The following HEATR5B variants were observed in gnomAD, a reference collection of about 807,000 sequenced individuals.
HEATR5B encodes the protein HEAT repeat-containing protein 5B.
In HEATR5B, 156 loss-of-function variants were observed where a neutral mutation model predicts 224.1. The ratio of observed to expected loss-of-function variants is 0.70; its 90% CI spans 0.61 to 0.80. The LOEUF is 0.80. Ranked by LOEUF, HEATR5B falls within the 30% of genes least tolerant of loss-of-function variation. HEATR5B has a pLI of 0.00. For synonymous variants in HEATR5B, 1,027 were observed against 893.0 expected, an observed-to-expected ratio of 1.15 and a Z score of -2.68; for missense variants, 2,323 against 2,535.5, an observed-to-expected ratio of 0.92 and a Z score of 1.80.
At chr2:37,044,739 T>A (rs1026789379) in intron 18 of HEATR5B, among the ~76,000 whole-genome samples, 25 of 152,178 alleles carry the variant, frequency 1.6e-4, no homozygotes, top group African/African-American at 6.0e-4. Context: ...TATATAAGAG[T>A]TCTTAACCTA....
intron 35 of HEATR5B, 44 bp downstream of exon 35, chr2:36,988,602 G>C (rs1423321511): frequency 2.7e-6 from 4 of 1,464,646 alleles, no homozygotes; most frequent in Middle Eastern, 2.1e-4. Flanking sequence ...ATACAATACA[G>C]ATCTTCATTC....
At chr2:37,075,688 C>A in intron 4 of HEATR5B, 54 bp from the exon 5 acceptor site, 1 of 1,443,694 alleles carries the variant, frequency 6.9e-7, no homozygotes, top group African/African-American at 1.4e-5. Flanking sequence ...CATATTTAAA[C>A]AAGAACACAC....
intron 32 of HEATR5B, 62 bp from the exon 33 acceptor site, chr2:37,000,875 C>T: frequency 1.8e-6 from 2 of 1,126,246 alleles, no homozygotes; most frequent in Non-Finnish European, 2.6e-6. Context: ...TAGTTGTTTT[C>T]ATTGCTTGTA....
rs755560212 is a variant in HEATR5B at position 37,019,816 on chromosome 2, G to A, written c.4097C>T (p.Ala1366Val). The change falls in exon 26 of 36, where the codon GCT becomes GTT. Residue 1366 changes from alanine to valine, a missense_variant. By Grantham distance (64) the Ala-to-Val change is moderately conservative. This residue lies in a region of HEATR5B where 339 missense variants were observed against 378.4 expected (regional missense o/e 0.90). Coordinates refer to ENST00000233099, the MANE Select transcript of HEATR5B (RefSeq NM_019024.3). ...QDTPSDIIAK[A>V]CQVCSTWIGS... The stretch of plus-strand genomic sequence containing the variant: ...TCCCATTTTTCTTCTTACCTGGCAA[G>A]CTTTCGCTATTATATCTGATGGTGT... The A allele has an allele frequency of 1.2e-6, 2 of 1,605,766 alleles. No homozygotes were observed. Among genetic ancestry groups the A allele is most frequent in the South Asian group, 1.1e-5 (1 of 90,896 alleles).
At chr2:37,014,064 T>A (rs1325121797) in intron 26 of HEATR5B, 44 bp from the exon 27 acceptor site, 2 of 1,163,560 alleles carry the variant, frequency 1.7e-6, no homozygotes, top group Non-Finnish European at 2.4e-6. Flanking sequence ...AAAAAATTAA[T>A]GCTGTATAAG....
At chr2:36,995,106 C>CTTTTTTTTTTT (rs1666608360) in intron 33 of HEATR5B, among the ~76,000 whole-genome samples, 2 of 53,688 alleles carry the variant, frequency 3.7e-5, no homozygotes, top group African/African-American at 4.2e-4. Context: ...TTTTTTTTTC[C>CTTTTTTTTTTT]TGAGATGGAG....
At chr2:37,004,442 C>A (rs1465402932) in intron 30 of HEATR5B, among the ~76,000 whole-genome samples, 1 of 151,214 alleles carries the variant, frequency 6.6e-6, no homozygotes, top group African/African-American at 2.4e-5. Context: ...TCACATGTCC[C>A]CCCTGCACTA....
At chr2:37,071,747 C>A (rs540388799) in intron 6 of HEATR5B, among the ~76,000 whole-genome samples, 1 of 150,694 alleles carries the variant, frequency 6.6e-6, no homozygotes, top group Non-Finnish European at 1.5e-5. Flanking sequence ...TACAGTGGTG[C>A]GATCTTGGCT....
intron 35 of HEATR5B, among the ~76,000 whole-genome samples, chr2:36,987,634 T>C (rs1666035272): frequency 6.6e-6 from 1 of 152,176 alleles, no homozygotes; most frequent in South Asian, 2.1e-4. Context: ...ATGTATGCAG[T>C]AGTTTTTCAT....
chr2:37,072,255 A>G lies in HEATR5B; in HGVS notation c.624T>C (p.Ala208=), dbSNP rs1314745665. The part of the protein sequence containing the change: ...AKCLLELQNE[A]VFMWTAELEN... ...CTAGTTCAGCAGTCCACATAAATAC[A>G]GCTTCATTCTGTAGTTCTAGTAGAC... Residue 208 remains alanine (A), a synonymous_variant, in exon 6 of 36, where the codon GCT becomes GCC. Transcript: ENST00000233099. 7 of 1,612,772 alleles carry G rather than the reference A, an allele frequency of 4.3e-6. No individual in the cohort carries two copies. The highest frequency in any genetic ancestry group is 1.3e-5 in the African/African-American group (1 of 74,874).
intron 33 of HEATR5B, among the ~76,000 whole-genome samples, chr2:36,996,414 G>T (rs1331488769): frequency 1.3e-5 from 2 of 150,262 alleles, no homozygotes; most frequent in Non-Finnish European, 3.0e-5. Context: ...ATACAGATGT[G>T]TGTTCTTTTC....
Position 37,072,254 on chromosome 2 carries a change from C to A in HEATR5B, c.625G>T (p.Val209Leu). Residue 209 changes from valine (V) to leucine (L), a missense_variant, in exon 6 of 36, where the codon GTA becomes TTA. This residue lies in a region of HEATR5B where 292 missense variants were observed against 332.6 expected (regional missense o/e 0.88). Transcript: ENST00000233099. ...TCTAGTTCAGCAGTCCACATAAATACAGCTTCATTCTGTAGTTCTAGTAGA... is the reference window on the plus strand; with the variant it reads ...TCTAGTTCAGCAGTCCACATAAATAAAGCTTCATTCTGTAGTTCTAGTAGA... ...KCLLELQNEA[V>L]FMWTAELENI... 1.2e-6 allele frequency: 2 copies of A among 1,612,978 alleles called. No homozygotes were observed. Among genetic ancestry groups the A allele is most frequent in the Non-Finnish European group, 1.7e-6 (2 of 1,179,260 alleles).
chr2:37,045,668 C>A (rs1409403691), intron 18 of HEATR5B, among the ~76,000 whole-genome samples: 1 of 152,156 alleles, frequency 6.6e-6, no homozygotes, highest in African/African-American at 2.4e-5. Flanking sequence ...GTTCATAGCT[C>A]TCTCCCTGTG....
In HEATR5B at chr2:36,988,974, A is replaced by G. The variant is rs914025396; in HGVS notation, c.5698-115T>C. 3.9e-5 allele frequency: 28 copies of G among 723,920 alleles called. No individual in the cohort carries two copies. The African/African-American group carries it at 4.6e-4, about 12-fold the overall frequency. The allele number at this position is 723,920 out of a possible 1,614,324, so 44.8% of individuals were successfully genotyped here. On this transcript the variant is annotated intron_variant, in intron 34 of 35. Transcript: ENST00000233099. ...AGTGATACTGCAGGACAAAAATGGA[A>G]ATTACATTTTCTACTTAGAGAAATG...
At chr2:37,016,441 T>G (rs574455562) in intron 26 of HEATR5B, among the ~76,000 whole-genome samples, 4 of 151,924 alleles carry the variant, frequency 2.6e-5, no homozygotes, top group African/African-American at 9.7e-5. Context: ...CTGAAATCCT[T>G]GGACCAAGAT....
At chr2:36,991,407 A>G (rs1366794123) in intron 33 of HEATR5B, among the ~76,000 whole-genome samples, 1 of 150,986 alleles carries the variant, frequency 6.6e-6, no homozygotes, top group Non-Finnish European at 1.5e-5. Flanking sequence ...AGGCAGGAGA[A>G]TCGCTTGTAC....
intron 27 of HEATR5B, among the ~76,000 whole-genome samples, chr2:37,012,828 G>A (rs1158291099): frequency 6.6e-6 from 1 of 152,188 alleles, no homozygotes; most frequent in Non-Finnish European, 1.5e-5. Flanking sequence ...ATGTTTCAAT[G>A]TAAACATCAC....
At chr2:37,049,869 A>C in intron 17 of HEATR5B, 26 bp from the exon 18 acceptor site, 2 of 1,379,656 alleles carry the variant, frequency 1.4e-6, no homozygotes, top group Non-Finnish European at 1.9e-6. Context: ...AAAAAAAAAA[A>C]AGACAGCAAT....
intron 26 of HEATR5B, among the ~76,000 whole-genome samples, chr2:37,017,554 C>T (rs1332171817): frequency 6.6e-6 from 1 of 151,472 alleles, no homozygotes; most frequent in Non-Finnish European, 1.5e-5. Flanking sequence ...GGCATGGTGA[C>T]GTACACCTGT....
Sources: allele counts gnomAD v4.1 joint callset (sites outside exome capture counted in the v4.1 genomes callset), GRCh38; gene constraint gnomAD v4.1.1; regional missense constraint gnomAD v4.1.1; transcripts MANE v1.5; gene names NCBI Gene and HGNC (gene_info 2026-07-23, HGNC 2026-07-21).